GRAMD1B: variants seen among roughly 807,000 people sequenced by gnomAD.
GRAMD1B encodes GRAM domain containing 1B.
Under a neutral mutation model 99.7 loss-of-function variants are expected in GRAMD1B, and 37 were observed. The ratio of observed to expected loss-of-function variants is 0.37; its 90% CI spans 0.29 to 0.49. The LOEUF (loss-of-function observed/expected upper bound fraction) is 0.49, where lower values mean the gene tolerates loss of function less well. Among genes scored for constraint, GRAMD1B ranks in the 20% least tolerant of loss-of-function variants. The pLI, the probability that GRAMD1B is intolerant of heterozygous loss-of-function variation, is 0.98. For synonymous variants in GRAMD1B, 427 were observed against 387.6 expected (o/e 1.10, Z -1.19); for missense variants, 888 against 1,009.2 (o/e 0.88, Z 1.63).
upstream of GRAMD1B, among the ~76,000 whole-genome samples, chr11:123,429,025 C>T (rs751128584): frequency 2.6e-5 from 4 of 151,978 alleles, no homozygotes; most frequent in Non-Finnish European, 5.9e-5. The surrounding 1 kb of genome is among the most constrained non-coding windows in gnomAD (Gnocchi z 4.0). Flanking sequence ...GACCTCATAT[C>T]GACAAAAAGA....
At chr11:123,598,309 T>G in intron 7 of GRAMD1B, 1 of 1,258,614 alleles carries the variant, frequency 7.9e-7, no homozygotes, top group Middle Eastern at 2.6e-4. Flanking sequence ...AGTGGCAGGT[T>G]TTTGGGGTTG....
At chr11:123,373,332 T>G (rs1014367134) in intron 1 of GRAMD1B, among the ~76,000 whole-genome samples, 1 of 152,140 alleles carries the variant, frequency 6.6e-6, no homozygotes, top group African/African-American at 2.4e-5. Context: ...GTTTTTCTGA[T>G]GGCCAGTCAA....
At chr11:123,622,341 T>A (rs1955228801) in intron 19 of GRAMD1B, among the ~76,000 whole-genome samples, 165 bp from the exon 20 acceptor site, 1 of 152,126 alleles carries the variant, frequency 6.6e-6, no homozygotes, top group Non-Finnish European at 1.5e-5. Context: ...CCCTTTCTGT[T>A]TGAAACAGTG....
intron 2 of GRAMD1B, among the ~76,000 whole-genome samples, chr11:123,568,626 G>C (rs545661007): frequency 6.6e-6 from 1 of 152,244 alleles, no homozygotes; most frequent in Non-Finnish European, 1.5e-5. Context: ...GAAGAAAGGC[G>C]TTAGCTTGGG....
At chr11:123,560,074 C>T (rs867172998) in intron 2 of GRAMD1B, among the ~76,000 whole-genome samples, 9 of 151,462 alleles carry the variant, frequency 5.9e-5, no homozygotes, top group African/African-American at 9.8e-5. Flanking sequence ...AACCCCCCCC[C>T]CCGCAGCCCC....
intron 1 of GRAMD1B, among the ~76,000 whole-genome samples, chr11:123,389,332 C>T (rs1056914752): frequency 1.3e-5 from 2 of 150,750 alleles, no homozygotes; most frequent in Non-Finnish European, 2.9e-5. Flanking sequence ...TGCAGTGAGC[C>T]GTGATCGAGC....
intron 4 of GRAMD1B, among the ~76,000 whole-genome samples, chr11:123,593,278 C>T (rs1401618836): frequency 1.3e-5 from 2 of 152,014 alleles, no homozygotes; most frequent in East Asian, 3.9e-4. Flanking sequence ...TGTAAGCCCT[C>T]AAAGGGCAGG....
chr11:123,525,248 T>A (rs756692664), intron 2 of GRAMD1B, among the ~76,000 whole-genome samples: 1 of 152,214 alleles, frequency 6.6e-6, no homozygotes, highest in Non-Finnish European at 1.5e-5. Flanking sequence ...CTGTGCATTC[T>A]GTGTGCAGCA....
upstream of GRAMD1B, among the ~76,000 whole-genome samples, chr11:123,430,016 C>A (rs1034309970): frequency 6.6e-6 from 1 of 151,988 alleles, no homozygotes; most frequent in African/African-American, 2.4e-5. Context: ...AGGAAATAGC[C>A]GAGTTCGACT....
At chr11:123,448,894 GCTT>G (rs1489190300) in intron 1 of GRAMD1B, among the ~76,000 whole-genome samples, 2 of 152,220 alleles carry the variant, frequency 1.3e-5, no homozygotes, top group East Asian at 1.9e-4. Flanking sequence ...CCTCTCCTGT[GCTT>G]CTTCTCTCTG....
intron 1 of GRAMD1B, among the ~76,000 whole-genome samples, chr11:123,407,698 G>A (rs1258122115): frequency 1.3e-5 from 2 of 152,190 alleles, no homozygotes; most frequent in African/African-American, 2.4e-5. Flanking sequence ...CCAGAATGCT[G>A]AAGAAAATCA....
At chr11:123,428,169 G>A (rs750108959), upstream of GRAMD1B, among the ~76,000 whole-genome samples, 5 of 152,168 alleles carry the variant, frequency 3.3e-5, no homozygotes, top group African/African-American at 4.8e-5. Context: ...TCAAGAGCCC[G>A]CCCAAAACTC....
intron 1 of GRAMD1B, among the ~76,000 whole-genome samples, chr11:123,401,256 C>G (rs61904736): frequency 1.7e-4 from 26 of 152,278 alleles, no homozygotes; most frequent in African/African-American, 3.8e-4. Context: ...TTTGCCCCTC[C>G]CTCTGTCCCA....
In GRAMD1B at chr11:123,612,741, G is replaced by A. The variant is rs754774504; in HGVS notation, c.1920-20G>A. The stretch of plus-strand genomic sequence containing the variant: ...GCCCACCCAGGAAATGACTGATCTT[G>A]TGTCTGGCTTGCTCCTCAGGGTCTC... On this transcript the variant is annotated intron_variant, in intron 14 of 19. Coordinates refer to ENST00000635736, the MANE Select transcript of GRAMD1B (RefSeq NM_001387025.1). The A allele has an allele frequency of 1.3e-5, 18 of 1,421,890 alleles. No individual in the cohort carries two copies. The highest frequency in any genetic ancestry group is 1.5e-5 in the Non-Finnish European group (15 of 1,014,660). The allele number at this position is 1,421,890 out of a possible 1,614,324, so 88.1% of individuals were successfully genotyped here. A position where few individuals can be genotyped will look rare whatever the true frequency, so the allele number is the denominator to read the frequency against.
intron 2 of GRAMD1B, among the ~76,000 whole-genome samples, chr11:123,556,169 T>C (rs1312057795): frequency 1.3e-5 from 2 of 152,258 alleles, no homozygotes; most frequent in Non-Finnish European, 2.9e-5. Context: ...TAAATGACTA[T>C]GCTTCAGAAA....
intron 1 of GRAMD1B, among the ~76,000 whole-genome samples, chr11:123,457,001 A>G (rs55919723): frequency 0.024 from 3,613 of 150,528 alleles, 147 homozygotes; most frequent in African/African-American, 0.083. Flanking sequence ...GGTCCCAGGT[A>G]CTCGGGAGGC....
chr11:123,541,862 A>T lies in GRAMD1B; in HGVS notation c.453-35505A>T, dbSNP rs186972087. 7.2e-5 allele frequency among the ~76,000 whole-genome samples: 11 copies of T among 152,304 alleles called. No individual in the cohort carries two copies. The East Asian group carries it at 1.9e-3, about 27-fold the overall frequency. On this transcript the variant is annotated intron_variant, in intron 2 of 19. Coordinates refer to ENST00000635736, the MANE Select transcript of GRAMD1B (RefSeq NM_001387025.1). ...AGTCCTTCTGTGATTTTAAAAATTA[A>T]TACATTAGTACACCTTGATATAATA...
chr11:123,524,758 G>A lies in GRAMD1B; in HGVS notation c.452+43865G>A, dbSNP rs74672133. Among the ~76,000 whole-genome samples, 1,142 of 152,308 alleles carry A rather than the reference G, an allele frequency of 7.5e-3. 13 individuals carry two copies. Among genetic ancestry groups the A allele is most frequent in the African/African-American group, 0.026 (1,068 of 41,564 alleles). On this transcript the variant is annotated intron_variant, in intron 2 of 19. Coordinates refer to ENST00000635736, the MANE Select transcript of GRAMD1B (RefSeq NM_001387025.1). ...AATTTTAGGGTAAAGGCTTATTATG[G>A]TTCAACTGTTTTGGAGCAAGTTTCT...
At chr11:123,416,385 T>C (rs534937878) in intron 1 of GRAMD1B, among the ~76,000 whole-genome samples, 1 of 152,328 alleles carries the variant, frequency 6.6e-6, no homozygotes, top group South Asian at 2.1e-4. Flanking sequence ...AAATCTGAGA[T>C]GCTGACCAGC....
Sources: allele counts gnomAD v4.1 joint callset (sites outside exome capture counted in the v4.1 genomes callset), GRCh38; gene constraint gnomAD v4.1.1; non-coding constraint Gnocchi (gnomAD v3.1); transcripts MANE v1.5; gene names NCBI Gene and HGNC (gene_info 2026-07-23, HGNC 2026-07-21).